TP63: variants seen among roughly 807,000 people sequenced by gnomAD.
TP63 encodes the protein tumor protein 63.
A neutral mutation model predicts 82.8 loss-of-function variants in TP63; 17 were observed. That is an observed-to-expected ratio of 0.21 (90% CI 0.14 to 0.31). The LOEUF is 0.31. TP63 is among the 10% of genes least tolerant of loss of function. The probability of loss-of-function intolerance (pLI) is 1.00; values close to 1 mark genes in which losing one functional copy is unlikely to be tolerated. For missense variants in TP63, 648 were observed against 895.3 expected (o/e 0.72, Z 3.52); for synonymous variants, 330 against 321.7 (o/e 1.03, Z -0.28).
At chr3:189,760,043 C>T (rs1432270174) in intron 3 of TP63, among the ~76,000 whole-genome samples, 4 of 152,118 alleles carry the variant, frequency 2.6e-5, no homozygotes, top group South Asian at 2.1e-4. Flanking sequence ...TGGAAAGACC[C>T]GCCCCTATGA....
intron 3 of TP63, among the ~76,000 whole-genome samples, chr3:189,769,707 A>T (rs1232432401): frequency 6.6e-6 from 1 of 152,220 alleles, no homozygotes; most frequent in Admixed American, 6.5e-5. Context: ...TAGACATTTT[A>T]AAATGTTTCT....
rs185586721 is a variant in TP63, at chr3:189,736,869, A to T, written c.63-871A>T. On this transcript the variant is annotated intron_variant, in intron 1 of 13. Transcript: ENST00000264731. ...AACACTTAAGAACTTAACTAATTTT[A>T]TCCTGGGATAAAATTAGTCTACTGA... is the stretch of plus-strand genomic sequence containing the variant. Among the ~76,000 whole-genome samples the T allele has an allele frequency of 1.9e-3, 288 of 152,246 alleles. 1 individual carries two copies. Among genetic ancestry groups the T allele is most frequent in the African/African-American group, 6.6e-3 (275 of 41,584 alleles).
At chr3:189,800,727 T>C (rs1726214263) in intron 3 of TP63, among the ~76,000 whole-genome samples, 1 of 152,030 alleles carries the variant, frequency 6.6e-6, no homozygotes, top group Non-Finnish European at 1.5e-5. Context: ...GGATAAAACA[T>C]GGATATTAAT....
rs927238258 is a variant in TP63, at chr3:189,890,654, A to G, written c.1653-135A>G. 6.5e-5 allele frequency: 47 copies of G among 724,428 alleles called. No individual in the cohort carries two copies. In the Middle Eastern group the frequency reaches 1.8e-3, roughly 27 times the overall value. 44.9% of individuals were successfully genotyped at this position (724,428 alleles called of 1,614,324 possible). A position where few individuals can be genotyped will look rare whatever the true frequency, so the allele number is the denominator to read the frequency against. ...GACCTCAGACTTAAGGCCCACATAT[A>G]TATTACCCAATCCTCATCTCTGATG... On this transcript the variant is annotated intron_variant, in intron 12 of 13. Transcript: ENST00000264731.
At chr3:189,821,360 C>T (rs1267257763) in intron 4 of TP63, among the ~76,000 whole-genome samples, 1 of 152,194 alleles carries the variant, frequency 6.6e-6, no homozygotes, top group Non-Finnish European at 1.5e-5. Context: ...TGCATTCATA[C>T]TGTTTGCATT....
rs772579873 is a variant in TP63 at position 189,894,488 on chromosome 3, G to C, written c.2029G>C (p.Glu677Gln). The change falls in exon 14 of 14, where the codon GAG becomes CAG. Residue 677 changes from glutamate (E) to glutamine (Q), a missense_variant. Glu to Gln is a conservative substitution (Grantham distance 29, BLOSUM62 2). This residue lies in a region of TP63 where 342 missense variants were observed against 425.7 expected (regional missense o/e 0.80). Transcript: ENST00000264731. ...ARRNKQQRIK[E>Q]EGE ...CCGCAATAAGCAACAGCGCATCAAA[G>C]AGGAGGGGGAGTGAGCCTCACCATG... is the stretch of plus-strand genomic sequence containing the variant. The C allele has an allele frequency of 1.2e-6, 2 of 1,613,424 alleles. No homozygotes were observed. The highest frequency in any genetic ancestry group is 1.7e-6 in the Non-Finnish European group (2 of 1,179,996).
intron 1 of TP63, among the ~76,000 whole-genome samples, chr3:189,642,645 CAG>C (rs1712001431): frequency 6.6e-6 from 1 of 151,946 alleles, no homozygotes; most frequent in African/African-American, 2.4e-5. Context: ...TGACTTAAGA[CAG>C]AGTCTGGCAC....
chr3:189,810,620 G>A (rs181381244), intron 4 of TP63, among the ~76,000 whole-genome samples: 59 of 152,142 alleles, frequency 3.9e-4, no homozygotes, highest in Middle Eastern at 6.8e-3. Context: ...CACTTTGGGA[G>A]GCTGAGGCAG....
At chr3:189,703,568 G>A (rs897376665) in intron 1 of TP63, among the ~76,000 whole-genome samples, 2 of 152,108 alleles carry the variant, frequency 1.3e-5, no homozygotes, top group Non-Finnish European at 2.9e-5. Context: ...GTGTGCATAA[G>A]ATGATATTGA....
At chr3:189,684,868 A>G (rs555320750) in intron 1 of TP63, among the ~76,000 whole-genome samples, 1 of 152,102 alleles carries the variant, frequency 6.6e-6, no homozygotes, top group South Asian at 2.1e-4. Context: ...CTGACCTCAG[A>G]TGATCCACCC....
intron 3 of TP63, among the ~76,000 whole-genome samples, chr3:189,774,583 A>G (rs191203996): frequency 9.2e-5 from 14 of 152,206 alleles, no homozygotes; most frequent in African/African-American, 2.9e-4. Context: ...AGTATTGACT[A>G]TAATCTCATA....
chr3:189,809,917 T>C (rs2108642406), intron 4 of TP63, among the ~76,000 whole-genome samples: 1 of 152,354 alleles, frequency 6.6e-6, no homozygotes, highest in East Asian at 1.9e-4. Context: ...GAAACTTGTG[T>C]GTAGCTGGGC....
intron 3 of TP63, among the ~76,000 whole-genome samples, chr3:189,800,475 T>A (rs376826579): frequency 1.6e-4 from 22 of 134,878 alleles, no homozygotes; most frequent in Admixed American, 2.2e-4. Context: ...CTTTAATGAG[T>A]AAAAAAAAAA....
rs770997588 is a variant in TP63 at position 189,894,369 on chromosome 3, G to A, written c.1910G>A (p.Arg637His). The A allele has an allele frequency of 8.1e-6, 13 of 1,613,876 alleles. No homozygotes were observed. The highest frequency in any genetic ancestry group is 4.4e-5 in the South Asian group (4 of 91,050). The change falls in exon 14 of 14, where the codon CGT becomes CAT. Residue 637 changes from arginine (R) to histidine (H), a missense_variant. Arg to His is a conservative substitution (Grantham distance 29). Around this residue, in one of 5 missense-constraint regions of TP63, gnomAD observed 342 missense variants for 425.7 expected, o/e 0.80. Transcript: ENST00000264731. ...SVGSSETRGERVIDAVRFTLR... is the reference protein window; with the variant it reads ...SVGSSETRGEHVIDAVRFTLR... ...GGCTCCAGTGAGACCCGGGGTGAGC[G>A]TGTTATTGATGCTGTGCGATTCACC...
At chr3:189,880,573 G>A (rs1279474386) in intron 10 of TP63, 40 of 987,240 alleles carry the variant, frequency 4.1e-5, no homozygotes, top group Non-Finnish European at 4.8e-5. Flanking sequence ...TTTTGAGCAG[G>A]TCTCAAACTT....
chr3:189,639,658 A>T (rs549516425), intron 1 of TP63, among the ~76,000 whole-genome samples: 1 of 152,148 alleles, frequency 6.6e-6, no homozygotes, highest in Non-Finnish European at 1.5e-5. Context: ...CAGATTTTTC[A>T]TAATTGAGGG....
chr3:189,661,589 G>A (rs1342643847), intron 1 of TP63, among the ~76,000 whole-genome samples: 1 of 152,026 alleles, frequency 6.6e-6, no homozygotes, highest in Non-Finnish European at 1.5e-5. Context: ...TGGCTTCATA[G>A]AATTAGTTAG....
chr3:189,716,297 A>G (rs1468909315), intron 1 of TP63, among the ~76,000 whole-genome samples: 1 of 152,236 alleles, frequency 6.6e-6, no homozygotes, highest in Admixed American at 6.5e-5. Context: ...GAGTGAGATC[A>G]AACCCCAGGG....
At chr3:189,657,226 T>G (rs138960240) in intron 1 of TP63, among the ~76,000 whole-genome samples, 5,841 of 152,144 alleles carry the variant, frequency 0.038, 143 homozygotes, top group Middle Eastern at 0.054. Flanking sequence ...GATTTATTTT[T>G]GGGCAGTGAA....
Sources: gnomAD v4.1 joint callset for allele counts (sites outside exome capture counted in the v4.1 genomes callset) on GRCh38, gnomAD v4.1.1 for gene constraint, gnomAD v4.1.1 regional missense constraint, MANE v1.5 for transcripts, NCBI Gene and HGNC (gene_info 2026-07-23, HGNC 2026-07-21) for gene names.